The following NCAM1 variants were observed in gnomAD, a reference collection of about 807,000 sequenced individuals.
NCAM1 encodes the protein antigen recognized by monoclonal antibody 5.1H11.
In NCAM1, 14 loss-of-function variants were observed where a neutral mutation model predicts 109.8. The ratio of observed to expected loss-of-function variants is 0.13; its 90% CI spans 0.08 to 0.20. The LOEUF is 0.20. NCAM1 is among the 10% of genes least tolerant of loss of function. NCAM1 has a pLI of 1.00. For missense variants in NCAM1, 774 were observed against 1,109.9 expected (o/e 0.70, Z 4.30); for synonymous variants, 418 against 442.9 (o/e 0.94, Z 0.70).
chr11:113,253,933 T>A (rs182268266), intron 15 of NCAM1, among the ~76,000 whole-genome samples: 1 of 152,344 alleles, frequency 6.6e-6, no homozygotes, highest in Admixed American at 6.5e-5. Context: ...AAACCTGGAA[T>A]CTTCCAGACT....
intron 1 of NCAM1, among the ~76,000 whole-genome samples, chr11:113,122,849 T>C (rs1366753638): frequency 6.6e-6 from 1 of 152,206 alleles, no homozygotes; most frequent in Non-Finnish European, 1.5e-5. Context: ...TCTCATATTC[T>C]TTGTAAATCT....
At chr11:113,227,849 C>T (rs569264759) in intron 9 of NCAM1, among the ~76,000 whole-genome samples, 5 of 152,216 alleles carry the variant, frequency 3.3e-5, no homozygotes, top group Admixed American at 2.0e-4. Flanking sequence ...ATTATCTCAA[C>T]AGATGCAGAA....
At chr11:113,225,449 C>A (rs1555116044) in intron 9 of NCAM1, among the ~76,000 whole-genome samples, 1 of 152,216 alleles carries the variant, frequency 6.6e-6, no homozygotes. Flanking sequence ...ACCAAATCTA[C>A]ATCTGATTGG....
chr11:112,975,689 A>G (rs1376453913), intron 1 of NCAM1, among the ~76,000 whole-genome samples: 1 of 151,946 alleles, frequency 6.6e-6, no homozygotes, highest in African/African-American at 2.4e-5. Flanking sequence ...ATTGAAAGTG[A>G]GTCAGTTAAC....
At chr11:113,246,232 T>G (rs1945500417) in intron 14 of NCAM1, 136 bp from the exon 15 acceptor site, 1 of 606,516 alleles carries the variant, frequency 1.6e-6, no homozygotes, top group African/African-American at 1.8e-5. Context: ...ATTGTTTACA[T>G]CAGTTTTTAA....
At chr11:113,178,230 G>A (rs1055379098) in intron 1 of NCAM1, among the ~76,000 whole-genome samples, 1 of 152,142 alleles carries the variant, frequency 6.6e-6, no homozygotes, top group African/African-American at 2.4e-5. Flanking sequence ...GCAGAAGAGA[G>A]GCAGGGAGAC....
At position 113,271,880 on chromosome 11, in the gene NCAM1, C is replaced by T. The variant is rs188240680; in HGVS notation, c.2456+4C>T. On this transcript the variant is annotated splice_donor_region_variant and intron_variant, in intron 19 of 19. Coordinates refer to ENST00000316851, the MANE Select transcript of NCAM1 (RefSeq NM_181351.5). ...CCACGCCACTGACGGAGCCCGAGTACGTGGGCTGGGAGGGGCTGGCACCTG... is the reference window on the plus strand; with the variant it reads ...CCACGCCACTGACGGAGCCCGAGTATGTGGGCTGGGAGGGGCTGGCACCTG... 63 of 1,556,958 alleles carry T rather than the reference C, an allele frequency of 4.0e-5. No homozygotes were observed. Among genetic ancestry groups the T allele is most frequent in the Admixed American group, 1.7e-4 (9 of 51,730 alleles).
At chr11:113,063,629 G>A (rs1339820156) in intron 1 of NCAM1, among the ~76,000 whole-genome samples, 4 of 152,142 alleles carry the variant, frequency 2.6e-5, no homozygotes, top group Non-Finnish European at 5.9e-5. Flanking sequence ...ACATTACTTG[G>A]ATGGGGTTCA....
chr11:113,154,241 A>G (rs1216491169), intron 1 of NCAM1, among the ~76,000 whole-genome samples: 1 of 152,224 alleles, frequency 6.6e-6, no homozygotes, highest in Non-Finnish European at 1.5e-5. Context: ...GAAATTGGCA[A>G]TAACGAATAA....
At chr11:113,270,963 G>C (rs1024516971) in intron 18 of NCAM1, among the ~76,000 whole-genome samples, 2 of 152,172 alleles carry the variant, frequency 1.3e-5, no homozygotes, top group Admixed American at 6.5e-5. Flanking sequence ...TTCGAAGACT[G>C]TCACTGGGTG....
intron 14 of NCAM1, chr11:113,240,865 C>T (rs782185242): frequency 1.4e-5 from 22 of 1,598,860 alleles, no homozygotes; most frequent in Non-Finnish European, 1.7e-5. Context: ...CATCTCTCTG[C>T]AGGTCACTTT....
chr11:113,061,001 G>C (rs1188044395), intron 1 of NCAM1, among the ~76,000 whole-genome samples: 2 of 152,000 alleles, frequency 1.3e-5, no homozygotes, highest in African/African-American at 4.8e-5. Flanking sequence ...CCTATGCTCT[G>C]TAACGAATCT....
At chr11:113,246,406 G>A (rs1555120244) in intron 15 of NCAM1, 36 bp downstream of exon 15, 1 of 732,314 alleles carries the variant, frequency 1.4e-6, no homozygotes, top group Non-Finnish European at 2.5e-6. Context: ...AAATAAATCT[G>A]GGACCACAGC....
At chr11:113,009,318 T>TTGTTGTTGTTG (rs1465915937) in intron 1 of NCAM1, among the ~76,000 whole-genome samples, 1 of 104,296 alleles carries the variant, frequency 9.6e-6, no homozygotes, top group Non-Finnish European at 1.9e-5. Context: ...TCGGGTTTTT[T>TTGTTGTTGTTG]TTTTTTTTTT....
chr11:112,966,060 T>C (rs1336543055), intron 1 of NCAM1, among the ~76,000 whole-genome samples: 3 of 152,188 alleles, frequency 2.0e-5, no homozygotes, highest in African/African-American at 7.2e-5. Context: ...TCAAGATAAA[T>C]ATTTTAATGT....
intron 14 of NCAM1, chr11:113,236,433 G>A (rs367939045): frequency 1.8e-6 from 2 of 1,128,292 alleles, no homozygotes; most frequent in South Asian, 1.3e-5. Flanking sequence ...AGATGATATT[G>A]TCTGGGCCCT....
intron 1 of NCAM1, among the ~76,000 whole-genome samples, chr11:113,033,930 AAG>A (rs1324000713): frequency 6.6e-6 from 1 of 152,192 alleles, no homozygotes; most frequent in Non-Finnish European, 1.5e-5. Flanking sequence ...TGATATCCGT[AAG>A]AGAGAGAAAA....
At position 113,138,480 on chromosome 11, in the gene NCAM1, G is replaced by A. The variant is rs532873718; in HGVS notation, c.53-63899G>A. Among the ~76,000 whole-genome samples, 19 of 152,296 alleles carry A rather than the reference G, an allele frequency of 1.2e-4. No homozygotes were observed. In the South Asian group the frequency reaches 2.9e-3, roughly 23 times the overall value. On this transcript the variant is annotated intron_variant, in intron 1 of 19. Transcript: ENST00000316851. Reference sequence around the variant, plus strand: ...AGCAAACGGCAAGAATGACGGCCCCGTCACTATTAGCAGGAACTGCCAGAG... The same window carrying A: ...AGCAAACGGCAAGAATGACGGCCCCATCACTATTAGCAGGAACTGCCAGAG...
intron 17 of NCAM1, chr11:113,269,899 C>G: frequency 2.1e-6 from 1 of 484,730 alleles, no homozygotes; most frequent in Non-Finnish European, 3.8e-6. Flanking sequence ...TGTTCTCAGA[C>G]AGGCGGGGCT....
Sources: gnomAD v4.1 joint callset for allele counts (sites outside exome capture counted in the v4.1 genomes callset) on GRCh38, gnomAD v4.1.1 for gene constraint, MANE v1.5 for transcripts, NCBI Gene and HGNC (gene_info 2026-07-23, HGNC 2026-07-21) for gene names.